TMEM232: variants seen among roughly 807,000 people sequenced by gnomAD.
TMEM232 encodes transmembrane protein 232.
In TMEM232, 80 loss-of-function variants were observed where a neutral mutation model predicts 78.8. That is an observed-to-expected ratio of 1.01 (90% confidence interval 0.85 to 1.22). The LOEUF is 1.22. Ranked by LOEUF, TMEM232 falls within the 50% of genes most tolerant of loss-of-function variation. The pLI, the probability that TMEM232 is intolerant of heterozygous loss-of-function variation, is 0.00. For missense variants in TMEM232, 881 were observed against 742.2 expected (o/e 1.19, Z -2.17); for synonymous variants, 297 against 254.3 (o/e 1.17, Z -1.60).
intron 5 of TMEM232, among the ~76,000 whole-genome samples, chr5:110,634,170 C>T (rs1252205290): frequency 6.6e-6 from 1 of 151,920 alleles, no homozygotes; most frequent in Non-Finnish European, 1.5e-5. Context: ...TATATGCACC[C>T]AACAGGGAGC....
At chr5:110,452,013 A>C (rs1580735313) in intron 12 of TMEM232, among the ~76,000 whole-genome samples, 1 of 152,282 alleles carries the variant, frequency 6.6e-6, no homozygotes, top group East Asian at 1.9e-4. Context: ...AACATATTCT[A>C]GCAAAGAAAA....
intron 12 of TMEM232, among the ~76,000 whole-genome samples, chr5:110,478,104 ATTCT>A (rs757882230): frequency 1.6e-3 from 249 of 151,946 alleles, no homozygotes; most frequent in Non-Finnish European, 2.8e-3. Flanking sequence ...TGCATCTTTT[ATTCT>A]TATGTATTCA....
At chr5:110,615,716 T>A (rs1250676042) in intron 8 of TMEM232, among the ~76,000 whole-genome samples, 1 of 151,918 alleles carries the variant, frequency 6.6e-6, no homozygotes, top group East Asian at 1.9e-4. Flanking sequence ...GACCAAATGA[T>A]CTTATATATA....
rs1788660861 is a variant in TMEM232 at position 110,653,850 on chromosome 5, T to C, written c.126-11479A>G. The stretch of plus-strand genomic sequence containing the variant: ...AAGGTTTATAATCCAAAAGGACTTG[T>C]AAGTCAAGCATGAGGAAATGGATAA... On this transcript the variant is annotated intron_variant, in intron 2 of 13. Coordinates refer to ENST00000455884, the MANE Select transcript of TMEM232 (RefSeq NM_001039763.4). Among the ~76,000 whole-genome samples, 3 of 152,136 alleles carry C rather than the reference T, an allele frequency of 2.0e-5. No homozygotes were observed. In the South Asian group the frequency reaches 6.2e-4, roughly 32 times the overall value.
chr5:110,719,809 C>G (rs1460469794), intron 1 of TMEM232, among the ~76,000 whole-genome samples: 1 of 152,230 alleles, frequency 6.6e-6, no homozygotes, highest in East Asian at 1.9e-4. Context: ...TCTACTCTCT[C>G]TGTTAAACTG....
chr5:110,438,193 C>A (rs200618077), intron 12 of TMEM232, among the ~76,000 whole-genome samples: 1 of 127,326 alleles, frequency 7.9e-6, no homozygotes, highest in Non-Finnish European at 1.5e-5. Context: ...TGAGTAAATT[C>A]AACTCCAAAC....
intron 2 of TMEM232, among the ~76,000 whole-genome samples, chr5:110,654,609 T>G (rs1294909340): frequency 2.0e-5 from 3 of 152,180 alleles, no homozygotes; most frequent in Non-Finnish European, 2.9e-5. Flanking sequence ...TCTTTTGGCT[T>G]AGGATTGACT....
intron 11 of TMEM232, among the ~76,000 whole-genome samples, chr5:110,567,445 G>GA (rs1017568440): frequency 6.6e-6 from 1 of 151,402 alleles, no homozygotes; most frequent in Admixed American, 6.6e-5. Flanking sequence ...ATACAGCATT[G>GA]AAAAAAACAG....
At chr5:110,593,672 A>G (rs2149782067) in intron 10 of TMEM232, among the ~76,000 whole-genome samples, 1 of 152,276 alleles carries the variant, frequency 6.6e-6, no homozygotes, top group East Asian at 1.9e-4. Context: ...AGAGGCTTGA[A>G]AGGGCAATAG....
intron 12 of TMEM232, among the ~76,000 whole-genome samples, chr5:110,453,958 GA>G (rs1760599614): frequency 6.6e-6 from 1 of 151,832 alleles, no homozygotes; most frequent in Non-Finnish European, 1.5e-5. Context: ...ACTAAGAAAA[GA>G]AAAACATTCT....
intron 13 of TMEM232, among the ~76,000 whole-genome samples, chr5:110,422,339 C>T (rs974281107): frequency 6.6e-5 from 10 of 151,442 alleles, no homozygotes; most frequent in African/African-American, 2.2e-4. Flanking sequence ...CACGGTGAAA[C>T]GCCGTCTCTA....
intron 11 of TMEM232, among the ~76,000 whole-genome samples, chr5:110,554,526 C>A (rs1774847487): frequency 6.6e-6 from 1 of 152,086 alleles, no homozygotes. Context: ...CCTACTTGAT[C>A]ATAGTGTGTT....
chr5:110,388,928 T>C (rs1164483381), intron 4 of TMEM232, among the ~76,000 whole-genome samples: 1 of 152,106 alleles, frequency 6.6e-6, no homozygotes, highest in African/African-American at 2.4e-5. Context: ...GGTGCAAGAT[T>C]ACTTGTGTTG....
chr5:110,510,023 T>C (rs934113403), intron 12 of TMEM232, among the ~76,000 whole-genome samples: 1 of 152,250 alleles, frequency 6.6e-6, no homozygotes, highest in Non-Finnish European at 1.5e-5. Flanking sequence ...TTTGCTTTTA[T>C]GTCCTTCTCC....
At chr5:110,617,401 C>T (rs1162224034) in intron 8 of TMEM232, among the ~76,000 whole-genome samples, 2 of 151,870 alleles carry the variant, frequency 1.3e-5, no homozygotes, top group Admixed American at 6.6e-5. Flanking sequence ...TTTGAAATTG[C>T]TAATAGAGTA....
At chr5:110,722,044 T>A (rs1160634852) in intron 1 of TMEM232, among the ~76,000 whole-genome samples, 1 of 151,790 alleles carries the variant, frequency 6.6e-6, no homozygotes, top group Non-Finnish European at 1.5e-5. Flanking sequence ...TGATATCACA[T>A]AAAACATTGT....
intron 1 of TMEM232, among the ~76,000 whole-genome samples, chr5:110,683,335 A>G (rs527710937): frequency 2.6e-5 from 4 of 152,140 alleles, no homozygotes; most frequent in African/African-American, 9.6e-5. Flanking sequence ...TCACAATTAC[A>G]TAGATGTAAC....
intron 7 of TMEM232, among the ~76,000 whole-genome samples, chr5:110,623,406 T>C (rs1784028521): frequency 6.6e-6 from 1 of 152,210 alleles, no homozygotes; most frequent in African/African-American, 2.4e-5. Context: ...CTTTTAGCTT[T>C]ATCAAATGAT....
chr5:110,395,805 G>A (rs960286458), intron 3 of TMEM232, among the ~76,000 whole-genome samples: 1 of 152,126 alleles, frequency 6.6e-6, no homozygotes, highest in African/African-American at 2.4e-5. Flanking sequence ...GGAGTTGTCT[G>A]TGCAACTTCC....
Sources: gnomAD v4.1 joint callset for allele counts (sites outside exome capture counted in the v4.1 genomes callset) on GRCh38, gnomAD v4.1.1 for gene constraint, MANE v1.5 for transcripts, NCBI Gene and HGNC (gene_info 2026-07-23, HGNC 2026-07-21) for gene names.